Variants in CNTN3 observed in about 807,000 individuals in gnomAD.
The protein encoded by CNTN3 is contactin-3.
In CNTN3, 60 loss-of-function variants were observed where a neutral mutation model predicts 119.1. The ratio of observed to expected loss-of-function variants is 0.50; its 90% CI spans 0.41 to 0.62. CNTN3 has a LOEUF of 0.62. Ranked by LOEUF, CNTN3 falls within the 20% of genes least tolerant of loss-of-function variation. The pLI, the probability that CNTN3 is intolerant of heterozygous loss-of-function variation, is 0.00. For synonymous variants in CNTN3, 450 were observed against 438.7 expected (o/e 1.03, Z -0.32); for missense variants, 1,101 against 1,242.4 (o/e 0.89, Z 1.71).
In CNTN3 at chr3:74,439,848, C is replaced by T. The variant is rs76538052; in HGVS notation, c.359-14908G>A. Among the ~76,000 whole-genome samples the T allele has an allele frequency of 1.8e-4, 27 of 152,296 alleles. No homozygotes were observed. The East Asian group carries it at 4.6e-3, about 26-fold the overall frequency. On this transcript the variant is annotated intron_variant, in intron 4 of 22. Transcript: ENST00000263665. ...AATCATTCACCCATTTATTCAACAA[C>T]TCTAATTAAGTGCCTACAAAGCTGA...
chr3:74,517,015 G>C (rs1409617699), intron 2 of CNTN3, among the ~76,000 whole-genome samples: 2 of 151,820 alleles, frequency 1.3e-5, no homozygotes, highest in Non-Finnish European at 2.9e-5. Flanking sequence ...ATTTCTTCCT[G>C]AGGGCCCCAG....
At chr3:74,366,776 G>GTATATATATATATATATATATATA (rs1416469987) in intron 8 of CNTN3, among the ~76,000 whole-genome samples, 3 of 35,622 alleles carry the variant, frequency 8.4e-5, no homozygotes, top group African/African-American at 4.4e-4. Flanking sequence ...GTGTGTGTGT[G>GTATATATATATATATATATATATA]TGTGTATATA....
At chr3:74,357,291 AT>A (rs965460634) in intron 11 of CNTN3, among the ~76,000 whole-genome samples, 2 of 147,700 alleles carry the variant, frequency 1.4e-5, no homozygotes, top group Middle Eastern at 4.1e-3. Flanking sequence ...AATTATTATT[AT>A]TTTTTTAATA....
chr3:74,580,566 A>ACAAAATTGGTTTAATACT (rs1704488131), intron 1 of CNTN3, among the ~76,000 whole-genome samples: 2 of 152,212 alleles, frequency 1.3e-5, no homozygotes, highest in Admixed American at 6.5e-5. Flanking sequence ...GTCCCAGAAT[A>ACAAAATTGGTTTAATACT]CAAAATTGGT....
chr3:74,598,413 T>C (rs949946561), intron 1 of CNTN3, among the ~76,000 whole-genome samples: 15 of 152,090 alleles, frequency 9.9e-5, no homozygotes, highest in Non-Finnish European at 2.2e-4. Flanking sequence ...ATGAGATGTC[T>C]TTGAAGAGCC....
chr3:74,394,096 G>A (rs1169033402), intron 5 of CNTN3, among the ~76,000 whole-genome samples: 1 of 152,200 alleles, frequency 6.6e-6, no homozygotes, highest in African/African-American at 2.4e-5. Flanking sequence ...TCTAATTAGA[G>A]AAGTCTGTGG....
chr3:74,601,139 G>A (rs962951187), intron 1 of CNTN3, among the ~76,000 whole-genome samples: 7 of 151,920 alleles, frequency 4.6e-5, no homozygotes, highest in African/African-American at 1.7e-4. Context: ...CCTAACTGCA[G>A]AGCTCAATGG....
intron 13 of CNTN3, among the ~76,000 whole-genome samples, chr3:74,312,855 A>T (rs1352215828): frequency 6.6e-6 from 1 of 152,218 alleles, no homozygotes; most frequent in Non-Finnish European, 1.5e-5. Flanking sequence ...AGTAAGATAT[A>T]GCAGGAATGC....
intron 4 of CNTN3, among the ~76,000 whole-genome samples, chr3:74,477,855 A>T (rs895081592): frequency 2.0e-5 from 3 of 152,110 alleles, no homozygotes; most frequent in African/African-American, 7.2e-5. Context: ...ATTTAAAAAA[A>T]TTAAAAAAAA....
chr3:74,269,499 T>C (rs890114740), intron 20 of CNTN3, among the ~76,000 whole-genome samples: 2 of 152,290 alleles, frequency 1.3e-5, no homozygotes, highest in East Asian at 1.9e-4. Context: ...TGTGCTTTAA[T>C]ATAATTTACT....
At chr3:74,548,046 C>T (rs1185951960) in intron 1 of CNTN3, among the ~76,000 whole-genome samples, 2 of 152,108 alleles carry the variant, frequency 1.3e-5, no homozygotes, top group South Asian at 2.1e-4. Context: ...ACTAAATGAA[C>T]CATCCATTCA....
At chr3:74,426,137 G>A (rs556161653) in intron 4 of CNTN3, among the ~76,000 whole-genome samples, 20 of 152,132 alleles carry the variant, frequency 1.3e-4, no homozygotes, top group East Asian at 5.8e-4. Context: ...AGAAAATTCC[G>A]TTGACTTCAT....
intron 4 of CNTN3, among the ~76,000 whole-genome samples, chr3:74,430,469 A>G (rs1701765022): frequency 6.6e-6 from 1 of 152,210 alleles, no homozygotes; most frequent in African/African-American, 2.4e-5. Context: ...AGTGCTGGGC[A>G]TGGTGTTTTA....
intron 1 of CNTN3, among the ~76,000 whole-genome samples, chr3:74,559,447 A>G (rs535813891): frequency 1.4e-4 from 22 of 152,286 alleles, no homozygotes; most frequent in Admixed American, 1.4e-3. Context: ...ATTCCTTGTT[A>G]TCAGGAAGCT....
At position 74,266,480 on chromosome 3, in the gene CNTN3, C is replaced by T. The variant is rs1158840074; in HGVS notation, c.2986+1G>A. The stretch of plus-strand genomic sequence containing the variant: ...GTAAATAATGGCTTCAACCAACTTA[C>T]TGGTTATTCGTGGAATCCTGATCTG... On this transcript the variant is annotated splice_donor_variant, in intron 22 of 22. Transcript: ENST00000263665. LOFTEE classifies it high-confidence loss of function. The T allele has an allele frequency of 6.2e-7, 1 of 1,612,408 alleles. No homozygotes were observed. The highest frequency in any genetic ancestry group is 1.7e-5 in the Admixed American group (1 of 59,940).
chr3:74,322,169 C>CAAAAAA (rs35201394), intron 13 of CNTN3, among the ~76,000 whole-genome samples: 2 of 94,178 alleles, frequency 2.1e-5, no homozygotes, highest in Non-Finnish European at 2.2e-5. Flanking sequence ...CTGGGTGACT[C>CAAAAAA]AAAAAAAAAA....
intron 1 of CNTN3, among the ~76,000 whole-genome samples, chr3:74,607,747 T>G (rs1244046614): frequency 1.3e-5 from 2 of 152,276 alleles, no homozygotes; most frequent in East Asian, 3.9e-4. Flanking sequence ...TCCATGGAAG[T>G]GGAATTTTTC....
At chr3:74,321,010 C>T (rs1209856421) in intron 13 of CNTN3, among the ~76,000 whole-genome samples, 4 of 150,974 alleles carry the variant, frequency 2.6e-5, no homozygotes, top group Middle Eastern at 7.1e-3. Context: ...TGGAAACCAC[C>T]ATCTTAAGTG....
At chr3:74,295,745 A>G (rs1367607650) in intron 18 of CNTN3, among the ~76,000 whole-genome samples, 1 of 152,162 alleles carries the variant, frequency 6.6e-6, no homozygotes, top group Non-Finnish European at 1.5e-5. Context: ...AGTAGATAGA[A>G]ATGCAGGTGG....
Sources: allele counts gnomAD v4.1 joint callset (sites outside exome capture counted in the v4.1 genomes callset), GRCh38; gene constraint gnomAD v4.1.1; transcripts MANE v1.5; gene names NCBI Gene and HGNC (gene_info 2026-07-23, HGNC 2026-07-21).